The following TDRP variants were observed in gnomAD, a reference collection of about 807,000 sequenced individuals.
TDRP encodes testis development related protein, also known as testis development-related protein.
TDRP carries 12 observed loss-of-function variants against 10.5 expected under a neutral mutation model. The observed-to-expected ratio is 1.15, with a 90% confidence interval of 0.73 to 1.86. The LOEUF (loss-of-function observed/expected upper bound fraction) is 1.86, where lower values mean the gene tolerates loss of function less well. Ranked by LOEUF, TDRP falls within the 40% of genes most tolerant of loss-of-function variation. TDRP has a pLI of 0.00. For synonymous variants in TDRP, 139 were observed against 95.4 expected (o/e 1.46, Z -2.67); for missense variants, 353 against 229.2 (o/e 1.54, Z -3.49).
intron 1 of TDRP, among the ~76,000 whole-genome samples, chr8:513,321 A>G (rs1801667050): frequency 6.6e-6 from 1 of 152,160 alleles, no homozygotes. Context: ...TATGTACCAT[A>G]ATCAAGTGGG....
rs553984475 is a variant in TDRP, at chr8:496,003, G to A, written c.109-1406C>T. 3.3e-5 allele frequency among the ~76,000 whole-genome samples: 5 copies of A among 152,324 alleles called. No individual in the cohort carries two copies. In the East Asian group the frequency reaches 9.6e-4, roughly 29 times the overall value. On this transcript the variant is annotated intron_variant, in intron 1 of 2. Transcript: ENST00000324079. Reference sequence around the variant, plus strand: ...CCCTCCAACAGTTGTGACTGGAGAGGCGTTTATGAATCAGATACTGGGATA... The same window carrying A: ...CCCTCCAACAGTTGTGACTGGAGAGACGTTTATGAATCAGATACTGGGATA...
chr8:517,062 T>C (rs1302388408), intron 1 of TDRP, among the ~76,000 whole-genome samples: 1 of 152,162 alleles, frequency 6.6e-6, no homozygotes, highest in Non-Finnish European at 1.5e-5. Flanking sequence ...CAGGCCGTGA[T>C]GGGAAGGAGG....
chr8:511,952 T>C (rs943400899), intron 1 of TDRP, among the ~76,000 whole-genome samples: 1 of 151,820 alleles, frequency 6.6e-6, no homozygotes, highest in African/African-American at 2.4e-5. Flanking sequence ...TAAATGTCTA[T>C]AAAGAAAAAA....
chr8:505,931 A>C (rs1801450380), intron 1 of TDRP, among the ~76,000 whole-genome samples: 1 of 152,140 alleles, frequency 6.6e-6, no homozygotes, highest in African/African-American at 2.4e-5. Context: ...AGCTTCACCC[A>C]GTGCCAGCCA....
At chr8:526,603 G>T (rs1292336852) in intron 1 of TDRP, among the ~76,000 whole-genome samples, 1 of 152,080 alleles carries the variant, frequency 6.6e-6, no homozygotes, top group South Asian at 2.1e-4. Context: ...AATTTGGTTT[G>T]CCAGTATTTA....
intron 1 of TDRP, among the ~76,000 whole-genome samples, chr8:506,610 C>A (rs1386772509): frequency 1.3e-5 from 2 of 152,186 alleles, no homozygotes; most frequent in East Asian, 3.9e-4. Flanking sequence ...GACGGTTCCA[C>A]CCCAGGAGAA....
intron 1 of TDRP, among the ~76,000 whole-genome samples, chr8:538,171 G>T (rs564647670): frequency 6.6e-6 from 1 of 152,180 alleles, no homozygotes; most frequent in East Asian, 1.9e-4. Flanking sequence ...GCAGCCAACC[G>T]CAAAGGAGTC....
chr8:510,749 GAA>G (rs1801594472), intron 1 of TDRP, among the ~76,000 whole-genome samples: 1 of 152,222 alleles, frequency 6.6e-6, no homozygotes, highest in East Asian at 1.9e-4. Flanking sequence ...TTCTTCAGCT[GAA>G]AACGAGGAAC....
rs780093508 is a variant in TDRP, at chr8:492,416, G to A, written c.541C>T (p.Pro181Ser). Residue 181 changes from proline to serine, a missense_variant, in exon 3 of 3, where the codon CCG becomes TCG. Transcript: ENST00000324079. ...RQSKGHLTDS[P>S]EEAE The stretch of plus-strand genomic sequence containing the variant: ...AGCCCCCCTCACTCCGCCTCCTCCG[G>A]GCTATCTGTCAGGTGGCCTTTACTC... 11 of 1,559,860 alleles carry A rather than the reference G, an allele frequency of 7.1e-6. No homozygotes were observed. The highest frequency in any genetic ancestry group is 1.4e-5 in the African/African-American group (1 of 73,724).
At chr8:545,426 C>A (rs1237382223), upstream of TDRP, among the ~76,000 whole-genome samples, 2 of 149,740 alleles carry the variant, frequency 1.3e-5, no homozygotes, top group Non-Finnish European at 3.0e-5. Flanking sequence ...CGCCGACCCC[C>A]ACTTACTCCC....
At chr8:501,457 C>A (rs1249102125) in intron 1 of TDRP, among the ~76,000 whole-genome samples, 1 of 151,804 alleles carries the variant, frequency 6.6e-6, no homozygotes. Flanking sequence ...AGCAATTCTC[C>A]TGCCTCAGCC....
chr8:511,206 A>C (rs1801608084), intron 1 of TDRP, among the ~76,000 whole-genome samples: 1 of 152,192 alleles, frequency 6.6e-6, no homozygotes, highest in African/African-American at 2.4e-5. Context: ...GATTTTTAAA[A>C]TACAATCCAA....
intron 1 of TDRP, among the ~76,000 whole-genome samples, chr8:502,592 G>A (rs571827046): frequency 1.6e-4 from 24 of 152,290 alleles, no homozygotes; most frequent in African/African-American, 4.8e-4. Flanking sequence ...TGGGACCTAC[G>A]CCTACCTCAG....
At chr8:536,292 G>T (rs547227170) in intron 1 of TDRP, among the ~76,000 whole-genome samples, 1 of 152,294 alleles carries the variant, frequency 6.6e-6, no homozygotes, top group East Asian at 1.9e-4. Context: ...CGTCTTTAGT[G>T]AGCTGATCTG....
At chr8:528,594 A>C (rs1250059438) in intron 1 of TDRP, among the ~76,000 whole-genome samples, 2 of 151,182 alleles carry the variant, frequency 1.3e-5, no homozygotes, top group Non-Finnish European at 3.0e-5. Context: ...TACAGCCAAT[A>C]ATATTAAATA....
At chr8:527,146 AAT>A (rs1802055714) in intron 1 of TDRP, among the ~76,000 whole-genome samples, 1 of 152,162 alleles carries the variant, frequency 6.6e-6, no homozygotes, top group Admixed American at 6.5e-5. Context: ...AAAAGCAGAC[AAT>A]CTGAAAAAAT....
chr8:506,366 G>C (rs1801465538), intron 1 of TDRP, among the ~76,000 whole-genome samples: 1 of 152,174 alleles, frequency 6.6e-6, no homozygotes, highest in Admixed American at 6.5e-5. Flanking sequence ...CAACAGCACA[G>C]GCTCCCTCTC....
At chr8:526,514 T>C (rs1045368838) in intron 1 of TDRP, among the ~76,000 whole-genome samples, 3 of 152,186 alleles carry the variant, frequency 2.0e-5, no homozygotes, top group African/African-American at 7.2e-5. Context: ...ATGTATCACG[T>C]TGGTTGATTT....
intron 1 of TDRP, among the ~76,000 whole-genome samples, chr8:513,770 T>A (rs79622297): frequency 0.089 from 13,494 of 152,252 alleles, 656 homozygotes; most frequent in African/African-American, 0.12. Flanking sequence ...TAAAAACCTA[T>A]GTTAGAACTA....
Sources: gnomAD v4.1 joint callset for allele counts (sites outside exome capture counted in the v4.1 genomes callset) on GRCh38, gnomAD v4.1.1 for gene constraint, MANE v1.5 for transcripts, NCBI Gene and HGNC (gene_info 2026-07-23, HGNC 2026-07-21) for gene names.